WWTR1: variants seen among roughly 807,000 people sequenced by gnomAD.
The protein encoded by WWTR1 is WW domain containing transcription regulator 1.
WWTR1 carries 13 observed loss-of-function variants against 40.1 expected under a neutral mutation model. That is an observed-to-expected ratio of 0.32 (90% CI 0.21 to 0.52). The LOEUF is 0.52. Ranked by LOEUF, WWTR1 falls within the 20% of genes least tolerant of loss-of-function variation. The pLI, the probability that WWTR1 is intolerant of heterozygous loss-of-function variation, is 0.97. For synonymous variants in WWTR1, 230 were observed against 210.1 expected, an observed-to-expected ratio of 1.09 and a Z score of -0.82; for missense variants, 436 against 523.1, an observed-to-expected ratio of 0.83 and a Z score of 1.63.
chr3:149,527,226 C>T (rs1336406200), intron 5 of WWTR1, among the ~76,000 whole-genome samples: 1 of 150,528 alleles, frequency 6.6e-6, no homozygotes, highest in East Asian at 1.9e-4. Context: ...GCAATCTCGG[C>T]TCACTGCAAC....
chr3:149,567,125 C>A (rs1006584932), intron 3 of WWTR1, among the ~76,000 whole-genome samples: 2 of 151,686 alleles, frequency 1.3e-5, no homozygotes, highest in Non-Finnish European at 2.9e-5. Flanking sequence ...CAACAAAAAG[C>A]CTCATTAGTG....
At chr3:149,647,586 G>A (rs1712607902) in intron 2 of WWTR1, among the ~76,000 whole-genome samples, 1 of 152,200 alleles carries the variant, frequency 6.6e-6, no homozygotes, top group African/African-American at 2.4e-5. Flanking sequence ...GATCCAGCAG[G>A]GGCGGTCCCA....
chr3:149,669,590 T>C (rs1713988395), intron 2 of WWTR1, among the ~76,000 whole-genome samples: 1 of 152,178 alleles, frequency 6.6e-6, no homozygotes, highest in Non-Finnish European at 1.5e-5. Context: ...AACTTGCCCT[T>C]CTGAAAACAG....
chr3:149,690,656 T>C (rs1184274027), intron 1 of WWTR1, among the ~76,000 whole-genome samples: 1 of 152,174 alleles, frequency 6.6e-6, no homozygotes, highest in Non-Finnish European at 1.5e-5. Context: ...TAGATCCTAA[T>C]ATAATAATAG....
intron 2 of WWTR1, among the ~76,000 whole-genome samples, chr3:149,592,614 T>C (rs1738782730): frequency 1.3e-5 from 2 of 152,208 alleles, no homozygotes; most frequent in South Asian, 4.1e-4. Context: ...TGTATGTGTA[T>C]AAATATATAT....
chr3:149,588,407 A>G (rs1224487752), intron 2 of WWTR1, among the ~76,000 whole-genome samples: 1 of 152,204 alleles, frequency 6.6e-6, no homozygotes, highest in East Asian at 1.9e-4. Flanking sequence ...TAAATCACAA[A>G]CATGACTCCA....
At chr3:149,637,729 T>C (rs73868046) in intron 2 of WWTR1, among the ~76,000 whole-genome samples, 12,664 of 152,114 alleles carry the variant, frequency 0.083, 1,225 homozygotes, top group African/African-American at 0.24. Flanking sequence ...ATTACCCCAA[T>C]AGATCAAATT....
intron 1 of WWTR1, among the ~76,000 whole-genome samples, chr3:149,686,803 C>A (rs1288428123): frequency 5.3e-5 from 8 of 152,126 alleles, no homozygotes; most frequent in Non-Finnish European, 1.2e-4. Context: ...ATAATCTAGC[C>A]CCTTCTCCAT....
At chr3:149,603,634 C>T (rs541885105) in intron 2 of WWTR1, among the ~76,000 whole-genome samples, 1 of 150,368 alleles carries the variant, frequency 6.7e-6, no homozygotes, top group Non-Finnish European at 1.5e-5. Context: ...TGATACAGCT[C>T]ATTGGCATGC....
At chr3:149,536,434 A>T (rs1576543734) in intron 4 of WWTR1, among the ~76,000 whole-genome samples, 1 of 149,750 alleles carries the variant, frequency 6.7e-6, no homozygotes, top group Non-Finnish European at 1.5e-5. Context: ...CCAATACGAC[A>T]CTCTCCTAGC....
intron 2 of WWTR1, among the ~76,000 whole-genome samples, chr3:149,663,648 A>G (rs969522796): frequency 2.6e-5 from 4 of 152,150 alleles, no homozygotes; most frequent in African/African-American, 9.6e-5. Flanking sequence ...GTGAGCCGAG[A>G]TCATGCCATT....
At chr3:149,575,217 C>A (rs908555816) in intron 2 of WWTR1, among the ~76,000 whole-genome samples, 44 of 152,130 alleles carry the variant, frequency 2.9e-4, no homozygotes, top group African/African-American at 1.1e-3. Context: ...AATTGTAGTT[C>A]TGTTTAAAGC....
At chr3:149,539,658 C>T (rs944362284) in intron 4 of WWTR1, among the ~76,000 whole-genome samples, 9 of 152,152 alleles carry the variant, frequency 5.9e-5, no homozygotes, top group Non-Finnish European at 1.2e-4. Context: ...CCACCACTTC[C>T]CCCATCTCTC....
At chr3:149,719,205 G>C (rs1309580613) in intron 4 of WWTR1, among the ~76,000 whole-genome samples, 1 of 145,996 alleles carries the variant, frequency 6.8e-6, no homozygotes, top group African/African-American at 2.5e-5. Flanking sequence ...GTCTCACTCT[G>C]TTGCCCAGGC....
chr3:149,621,827 C>T lies in WWTR1; in HGVS notation c.431+35049G>A, dbSNP rs115293090. ...ACCTAACATTAAACTTTGAATTTCTCTACTACTGTTTCAACATGTTGTTGG... is the reference window on the plus strand; with the variant it reads ...ACCTAACATTAAACTTTGAATTTCTTTACTACTGTTTCAACATGTTGTTGG... On this transcript the variant is annotated intron_variant, in intron 2 of 6. Transcript: ENST00000360632. 4.9e-3 allele frequency among the ~76,000 whole-genome samples: 750 copies of T among 152,336 alleles called. 3 individuals are homozygous for T. Among genetic ancestry groups the T allele is most frequent in the African/African-American group, 0.018 (729 of 41,574 alleles).
At chr3:149,646,419 G>T (rs529611354) in intron 2 of WWTR1, among the ~76,000 whole-genome samples, 3 of 152,288 alleles carry the variant, frequency 2.0e-5, no homozygotes, top group African/African-American at 7.2e-5. Context: ...TCACCTACTT[G>T]GATGTCATAG....
At chr3:149,523,854 C>A (rs941901459) in intron 6 of WWTR1, among the ~76,000 whole-genome samples, 5 of 152,216 alleles carry the variant, frequency 3.3e-5, no homozygotes, top group African/African-American at 1.2e-4. Context: ...ATGTCCAGTT[C>A]CTACAAAGAC....
intron 1 of WWTR1, among the ~76,000 whole-genome samples, chr3:149,692,617 C>T (rs948337770): frequency 1.3e-5 from 2 of 150,998 alleles, no homozygotes; most frequent in African/African-American, 4.9e-5. Context: ...ACTTTCACCA[C>T]TGTTTGTTTG....
rs1734875726 is a variant in WWTR1, at chr3:149,518,143, T to C, written c.*2662A>G. 1.3e-5 allele frequency: 2 copies of C among 152,236 alleles called. No individual in the cohort carries two copies. The highest frequency in any genetic ancestry group is 2.1e-4 in the South Asian group (1 of 4,826). 9.4% of individuals were successfully genotyped at this position (152,236 alleles called of 1,614,324 possible). A position where few individuals can be genotyped will look rare whatever the true frequency, so the allele number is the denominator to read the frequency against. On this transcript the variant is annotated 3_prime_UTR_variant, in exon 7 of 7. Coordinates refer to ENST00000360632, the MANE Select transcript of WWTR1 (RefSeq NM_015472.6). ...TTGTGGCCTTAAAAACAAAAAATTA[T>C]ATCTGGCTTTATCTATTAGTAAACA...
Sources: allele counts gnomAD v4.1 joint callset (sites outside exome capture counted in the v4.1 genomes callset), GRCh38; gene constraint gnomAD v4.1.1; transcripts MANE v1.5; gene names NCBI Gene and HGNC (gene_info 2026-07-23, HGNC 2026-07-21).